EFCAB6: variants seen among roughly 807,000 people sequenced by gnomAD.
The protein encoded by EFCAB6 is EF-hand calcium binding domain 6.
Under a neutral mutation model 169.8 loss-of-function variants are expected in EFCAB6, and 156 were observed. The ratio of observed to expected loss-of-function variants is 0.92; its 90% CI spans 0.81 to 1.05. The LOEUF is 1.05. EFCAB6 is among the 50% of genes least tolerant of loss of function. The pLI is 0.00. For synonymous variants in EFCAB6, 698 were observed against 676.4 expected (o/e 1.03, Z -0.50); for missense variants, 1,800 against 1,829.1 (o/e 0.98, Z 0.29).
chr22:43,627,096 C>A (rs1346534301), intron 19 of EFCAB6, among the ~76,000 whole-genome samples: 1 of 152,184 alleles, frequency 6.6e-6, no homozygotes, highest in East Asian at 1.9e-4. Context: ...ACAAATACTG[C>A]ACTGAATCTC....
chr22:43,601,385 C>A (rs977952069), intron 22 of EFCAB6, among the ~76,000 whole-genome samples: 1 of 152,188 alleles, frequency 6.6e-6, no homozygotes, highest in Non-Finnish European at 1.5e-5. Flanking sequence ...CTCATCTAAT[C>A]GATAAAAATG....
chr22:43,663,504 T>C (rs181580389), intron 17 of EFCAB6, among the ~76,000 whole-genome samples: 2 of 152,368 alleles, frequency 1.3e-5, no homozygotes, highest in Admixed American at 1.3e-4. Flanking sequence ...CATAGTAGCC[T>C]GACTGTTGAA....
intron 24 of EFCAB6, among the ~76,000 whole-genome samples, chr22:43,585,052 A>T (rs1268321479): frequency 6.6e-6 from 1 of 152,230 alleles, no homozygotes; most frequent in Admixed American, 6.5e-5. Flanking sequence ...GGCTTTTGAC[A>T]ACAACAAAAA....
intron 23 of EFCAB6, among the ~76,000 whole-genome samples, chr22:43,591,267 C>A (rs1271396569): frequency 1.3e-5 from 2 of 151,068 alleles, no homozygotes; most frequent in African/African-American, 4.9e-5. Flanking sequence ...ACCAGCCTGG[C>A]CAACATGGTG....
At chr22:43,600,327 G>A (rs559783456) in intron 22 of EFCAB6, 64 bp from the exon 23 acceptor site, 83 of 1,546,326 alleles carry the variant, frequency 5.4e-5, no homozygotes, top group Non-Finnish European at 7.1e-5. Context: ...TGATGCTCAG[G>A]GTTTGGAAAA....
intron 26 of EFCAB6, among the ~76,000 whole-genome samples, chr22:43,558,718 A>G (rs1262961087): frequency 6.6e-6 from 1 of 152,238 alleles, no homozygotes; most frequent in Non-Finnish European, 1.5e-5. Context: ...AAGGCTCAGA[A>G]GATCACCACC....
At position 43,576,434 on chromosome 22, in the gene EFCAB6, C is replaced by T. The variant is rs372687373; in HGVS notation, c.3283G>A (p.Gly1095Arg). ...DTGFVKATEF[G>R]QVLKDFCYKL... Reference sequence around the variant, plus strand: ...TAACAGAAATCCTTAAGAACTTGTCCGAATTCTGTAGCCTTTACAAATCCT... The same window carrying T: ...TAACAGAAATCCTTAAGAACTTGTCTGAATTCTGTAGCCTTTACAAATCCT... The change falls in exon 26 of 32, where the codon GGA (glycine) becomes AGA (arginine). Residue 1095 changes from glycine (G) to arginine (R), a missense_variant. Coordinates refer to ENST00000262726, the MANE Select transcript of EFCAB6 (RefSeq NM_022785.4). 220 of 1,598,188 alleles carry T rather than the reference C, an allele frequency of 1.4e-4. No individual in the cohort carries two copies. The highest frequency in any genetic ancestry group is 9.1e-4 in the South Asian group (79 of 87,254).
rs140571635 is a variant in EFCAB6, at chr22:43,794,223, C to T, written c.-7-11898G>A. Among the ~76,000 whole-genome samples the T allele has an allele frequency of 1.2e-4, 18 of 152,312 alleles. No homozygotes were observed. The East Asian group carries it at 3.5e-3, about 29-fold the overall frequency. On this transcript the variant is annotated intron_variant, in intron 2 of 31. Coordinates refer to ENST00000262726, the MANE Select transcript of EFCAB6 (RefSeq NM_022785.4). The stretch of plus-strand genomic sequence containing the variant: ...TTTATATCAAAATGAAGTTAAAAGC[C>T]AGCCGCAAACATTACGTTTAGGTCC...
intron 17 of EFCAB6, among the ~76,000 whole-genome samples, chr22:43,665,706 A>T (rs1266398245): frequency 6.6e-6 from 1 of 152,194 alleles, no homozygotes; most frequent in African/African-American, 2.4e-5. Context: ...TCTAATCAAA[A>T]TCATCAATGA....
chr22:43,779,824 A>G (rs1425536214), intron 3 of EFCAB6, among the ~76,000 whole-genome samples: 1 of 152,186 alleles, frequency 6.6e-6, no homozygotes, highest in Non-Finnish European at 1.5e-5. Context: ...GCAAATGACA[A>G]AAAAGAAAAA....
chr22:43,599,914 C>T (rs1454270179), intron 23 of EFCAB6, among the ~76,000 whole-genome samples, 155 bp downstream of exon 23: 3 of 152,192 alleles, frequency 2.0e-5, no homozygotes, highest in African/African-American at 7.2e-5. Context: ...TTTGACTTCG[C>T]ACCAATTTCT....
chr22:43,676,418 CAAAAA>C (rs34550416), intron 13 of EFCAB6, among the ~76,000 whole-genome samples: 7 of 60,460 alleles, frequency 1.2e-4, no homozygotes, highest in African/African-American at 4.0e-4. Flanking sequence ...GACTCCGTCT[CAAAAA>C]AAAAAAAAAA....
At chr22:43,580,682 A>G (rs1170986346) in intron 24 of EFCAB6, 23 bp from the exon 25 acceptor site, 1 of 1,609,610 alleles carries the variant, frequency 6.2e-7, no homozygotes, top group East Asian at 2.2e-5. Context: ...GGAAGAAAAG[A>G]ACATATTCAT....
chr22:43,809,781 G>C lies in EFCAB6; in HGVS notation c.-144-650C>G, dbSNP rs555597011. ...TGCCACCATGCCTGGCTAATTTTTT[G>C]TATTAGTAGAGATAGGGTCTCACCA... is the stretch of plus-strand genomic sequence containing the variant. On this transcript the variant is annotated intron_variant, in intron 1 of 31. Coordinates refer to ENST00000262726, the MANE Select transcript of EFCAB6 (RefSeq NM_022785.4). 2.0e-5 allele frequency among the ~76,000 whole-genome samples: 3 copies of C among 152,074 alleles called. No individual in the cohort carries two copies. The South Asian group carries it at 6.2e-4, about 32-fold the overall frequency.
At chr22:43,549,740 T>A (rs1479777161) in intron 27 of EFCAB6, among the ~76,000 whole-genome samples, 1 of 152,108 alleles carries the variant, frequency 6.6e-6, no homozygotes, top group East Asian at 1.9e-4. Flanking sequence ...GAAAAGAAAA[T>A]TCATGAATGC....
In EFCAB6 at chr22:43,534,803, A is replaced by G. The variant is rs1282917290; in HGVS notation, c.4118T>C (p.Leu1373Ser). Residue 1373 changes from leucine to serine, a missense_variant, in exon 30 of 32, where the codon TTA (leucine) becomes TCA (serine). Leu to Ser is a moderately radical substitution (Grantham distance 145). Transcript: ENST00000262726. ...ECQQLIIKYD[L>S]KSNGKFAYCD... ...GTATGCAAATTTCCCGTTGCTCTTT[A>G]AGTCGTATTTTATAATGAGCTGCTG... The G allele has an allele frequency of 1.2e-6, 2 of 1,613,860 alleles. No homozygotes were observed. Among genetic ancestry groups the G allele is most frequent in the East Asian group, 4.5e-5 (2 of 44,876 alleles).
Position 43,773,066 on chromosome 22 carries a change from A to G in EFCAB6, c.177T>C (p.Asp59=), listed in dbSNP as rs749236519. Reference sequence around the variant, plus strand: ...TTTTTTGAAATAAAATCCGTTTAACATCTAAGGAGGACAGTGTTGGATTTG... The same window carrying G: ...TTTTTTGAAATAAAATCCGTTTAACGTCTAAGGAGGACAGTGTTGGATTTG... The part of the protein sequence containing the change: ...AVANPTLSSL[D]VKRILFQKIT... Residue 59 remains aspartate (D), a synonymous_variant, in exon 4 of 32, where the codon GAT becomes GAC. Coordinates refer to ENST00000262726, the MANE Select transcript of EFCAB6 (RefSeq NM_022785.4). 6.2e-7 allele frequency: 1 copy of G among 1,614,256 alleles called. No homozygotes were observed. Among genetic ancestry groups the G allele is most frequent in the Non-Finnish European group, 8.5e-7 (1 of 1,180,046 alleles).
At chr22:43,751,083 T>C (rs1403379993) in intron 6 of EFCAB6, among the ~76,000 whole-genome samples, 1 of 152,190 alleles carries the variant, frequency 6.6e-6, no homozygotes, top group Admixed American at 6.5e-5. Flanking sequence ...CTGACTTGGG[T>C]AGTGACACGG....
chr22:43,737,786 T>TAC (rs995585767), intron 6 of EFCAB6, among the ~76,000 whole-genome samples: 3 of 144,338 alleles, frequency 2.1e-5, no homozygotes, highest in African/African-American at 7.8e-5. Flanking sequence ...CACATATTCA[T>TAC]ACACACACAC....
Sources: gnomAD v4.1 joint callset for allele counts (sites outside exome capture counted in the v4.1 genomes callset) on GRCh38, gnomAD v4.1.1 for gene constraint, MANE v1.5 for transcripts, NCBI Gene and HGNC (gene_info 2026-07-23, HGNC 2026-07-21) for gene names.